Variants in GPM6B observed in about 807,000 individuals in gnomAD.
GPM6B encodes the protein neuronal membrane glycoprotein M6-b.
GPM6B carries 4 observed loss-of-function variants against 27.2 expected under a neutral mutation model. The observed-to-expected ratio is 0.15, with a 90% CI of 0.07 to 0.34. The LOEUF (loss-of-function observed/expected upper bound fraction) is 0.34, where lower values mean the gene tolerates loss of function less well. Among genes scored for constraint, GPM6B ranks in the 10% least tolerant of loss-of-function variants. The pLI is 1.00. For missense variants in GPM6B, 183 were observed against 261.9 expected, an observed-to-expected ratio of 0.70 and a Z score of 2.08; for synonymous variants, 124 against 103.1, an observed-to-expected ratio of 1.20 and a Z score of -1.23.
At chrX:13,844,521 C>G (rs973534519) in intron 1 of GPM6B, among the ~76,000 whole-genome samples, 16 of 112,412 alleles carry the variant, frequency 1.4e-4, no homozygotes, top group African/African-American at 4.9e-4. Flanking sequence ...TTAACAATGT[C>G]ATCCATTTAG....
chrX:13,824,952 C>T (rs2049354581), intron 1 of GPM6B, among the ~76,000 whole-genome samples: 1 of 111,834 alleles, frequency 8.9e-6, no homozygotes, highest in Non-Finnish European at 1.9e-5. Context: ...ATCCTTTTTT[C>T]AGCCTGCAAT....
In GPM6B at chrX:13,774,021, CTTAT is replaced by C. The variant is rs2048358374; in HGVS notation, c.838-995_838-992del. ...CCTTTTTCTTCAAATTTTCATCTGG[CTTAT>C]TTGAGGGTCATTTGGTAGTGAACCA... On this transcript the variant is annotated intron_variant, in intron 7 of 7. Coordinates refer to ENST00000316715, the MANE Select transcript of GPM6B (RefSeq NM_001001995.3). 1.4e-5 allele frequency: 9 copies of C among 628,080 alleles called. 1 individual carries two copies. The South Asian group carries it at 3.4e-4, about 24-fold the overall frequency. The allele number at this position is 628,080 out of a possible 1,213,427, so 51.8% of individuals were successfully genotyped here. A position where few individuals can be genotyped will look rare whatever the true frequency, so the allele number is the denominator to read the frequency against.
At chrX:13,804,425 G>A (rs1350190874) in intron 2 of GPM6B, among the ~76,000 whole-genome samples, 8 of 77,595 alleles carry the variant, frequency 1.0e-4, no homozygotes, top group Non-Finnish European at 1.7e-4. Flanking sequence ...GGCGGGGGGG[G>A]CGGGGGGCGG....
At chrX:13,928,099 C>T (rs1921299984) in intron 1 of GPM6B, among the ~76,000 whole-genome samples, 1 of 111,483 alleles carries the variant, frequency 9.0e-6, no homozygotes, top group Non-Finnish European at 1.9e-5. Context: ...TTGGGCAAGC[C>T]ACACCAGTCA....
At chrX:13,889,642 GGTT>G (rs1439404019) in intron 1 of GPM6B, 2 of 110,559 alleles carry the variant, frequency 1.8e-5, no homozygotes, top group African/African-American at 6.6e-5. Context: ...TCAGAATCAT[GGTT>G]TTTTTTAAAA....
At chrX:13,851,637 G>GAAAA (rs10668416) in intron 1 of GPM6B, among the ~76,000 whole-genome samples, 2 of 101,246 alleles carry the variant, frequency 2.0e-5, no homozygotes, top group Non-Finnish European at 2.0e-5. Flanking sequence ...GGCATGCAAT[G>GAAAA]AAAAAAAAAA....
intron 1 of GPM6B, among the ~76,000 whole-genome samples, chrX:13,875,111 C>T (rs747645468): frequency 1.8e-5 from 2 of 111,372 alleles, no homozygotes; most frequent in Admixed American, 1.9e-4. Context: ...ACTAGAATAG[C>T]CCAACAATAG....
Position 13,874,489 on chromosome X carries a change from A to G in GPM6B, c.-198+63838T>C, listed in dbSNP as rs138238670. Among the ~76,000 whole-genome samples the G allele has an allele frequency of 1.7e-3, 178 of 106,738 alleles. 2 individuals carry two copies. The highest frequency in any genetic ancestry group is 5.7e-3 in the African/African-American group (166 of 29,254). The allele number at this position is 106,738 out of a possible 115,157, so 92.7% of individuals were successfully genotyped here. On this transcript the variant is annotated intron_variant, in intron 1 of 6. Coordinates refer to the GPM6B transcript ENST00000398361. Reference sequence around the variant, plus strand: ...GAGATGGGTGGATCACTTGAGGTCAAGAGTTCAAGACCAGCCTGGCCAACA... The same window carrying G: ...GAGATGGGTGGATCACTTGAGGTCAGGAGTTCAAGACCAGCCTGGCCAACA...
At chrX:13,926,800 T>C (rs1460292544) in intron 1 of GPM6B, among the ~76,000 whole-genome samples, 6 of 112,376 alleles carry the variant, frequency 5.3e-5, no homozygotes, top group African/African-American at 1.6e-4. Context: ...TTAGAAAAAC[T>C]TTCTTTTAGA....
rs189802960 is a variant in GPM6B, at chrX:13,877,800, C to T, written c.-198+60527G>A. Among the ~76,000 whole-genome samples, 5 of 72,029 alleles carry T rather than the reference C, an allele frequency of 6.9e-5. No individual in the cohort carries two copies. In the Admixed American group the frequency reaches 1.2e-3, roughly 17 times the overall value. The allele number at this position is 72,029 out of a possible 115,157, so 62.5% of individuals were successfully genotyped here. On this transcript the variant is annotated intron_variant, in intron 1 of 6. Transcript: ENST00000398361. ...TGTGATCATGCCACTACACCCCAGC[C>T]TGGGCATTAGAGCCAGACTCTGCCA...
Position 13,786,964 on chromosome X carries a change from T to G in GPM6B, c.182-1156A>C, listed in dbSNP as rs183433170. ...TTAAGTAAATGGCTTGTCGGGGAAA[T>G]TGAACTTTAAACGCATTATGGTGTT... is the stretch of plus-strand genomic sequence containing the variant. On this transcript the variant is annotated intron_variant, in intron 2 of 7. Transcript: ENST00000316715. Among the ~76,000 whole-genome samples, 3 of 102,129 alleles carry G rather than the reference T, an allele frequency of 2.9e-5. No homozygotes were observed. The East Asian group carries it at 9.1e-4, about 31-fold the overall frequency. The allele number at this position is 102,129 out of a possible 115,157, so 88.7% of individuals were successfully genotyped here.
At chrX:13,938,541 G>C, upstream of GPM6B, 2 of 882,687 alleles carry the variant, frequency 2.3e-6, no homozygotes, top group Non-Finnish European at 2.8e-6. Context: ...GGTGAGGGCT[G>C]CGGGGCGTTC....
intron 2 of GPM6B, among the ~76,000 whole-genome samples, chrX:13,800,675 C>A (rs2048905009): frequency 9.0e-6 from 1 of 111,724 alleles, no homozygotes; most frequent in Non-Finnish European, 1.9e-5. Flanking sequence ...ACAGGCTGAA[C>A]TGAAACGATA....
intron 4 of GPM6B, 28 bp downstream of exon 4, chrX:13,783,333 TCAAA>T (rs2048552064): frequency 3.6e-6 from 4 of 1,123,366 alleles, no homozygotes; most frequent in African/African-American, 1.8e-5. Flanking sequence ...TGGTTGTATA[TCAAA>T]CAATCAGTTA....
At chrX:13,898,729 C>G (rs1022861691) in intron 1 of GPM6B, among the ~76,000 whole-genome samples, 9 of 111,878 alleles carry the variant, frequency 8.0e-5, no homozygotes, top group African/African-American at 2.6e-4. Context: ...CTCTTTATTT[C>G]TTTATATAGA....
intron 4 of GPM6B, 44 bp from the exon 5 acceptor site, chrX:13,780,033 A>T: frequency 1.9e-6 from 2 of 1,061,323 alleles, no homozygotes; most frequent in Non-Finnish European, 2.6e-6. Flanking sequence ...TGAAACAGGT[A>T]GATGTGTGTC....
chrX:13,838,700 C>G (rs913205204), intron 1 of GPM6B, among the ~76,000 whole-genome samples: 9 of 111,719 alleles, frequency 8.1e-5, no homozygotes, highest in Admixed American at 1.9e-4. Context: ...TTCCCCTGCC[C>G]AAAGGGAGGA....
intron 1 of GPM6B, among the ~76,000 whole-genome samples, chrX:13,930,501 C>G (rs1233446455): frequency 9.0e-6 from 1 of 111,261 alleles, no homozygotes; most frequent in East Asian, 2.8e-4. Flanking sequence ...GTAGTCCCAG[C>G]TACTCGAGAG....
chrX:13,790,082 G>A (rs5979969), intron 2 of GPM6B, among the ~76,000 whole-genome samples: 36,739 of 110,566 alleles, frequency 0.33, 4,669 homozygotes, highest in Non-Finnish European at 0.4. Flanking sequence ...TCAAACTCTT[G>A]GGCTCAAGTG....
Sources: allele counts gnomAD v4.1 joint callset (sites outside exome capture counted in the v4.1 genomes callset), GRCh38; gene constraint gnomAD v4.1.1; transcripts MANE v1.5; gene names NCBI Gene and HGNC (gene_info 2026-07-23, HGNC 2026-07-21).